The following ARHGAP32 variants were observed in gnomAD, a reference collection of about 807,000 sequenced individuals.
ARHGAP32 encodes Rho GTPase activating protein 32.
Under a neutral mutation model 186.5 loss-of-function variants are expected in ARHGAP32, and 51 were observed. That is an observed-to-expected ratio of 0.27 (90% confidence interval 0.22 to 0.35). The LOEUF (loss-of-function observed/expected upper bound fraction) is 0.35, where lower values mean the gene tolerates loss of function less well. Ranked by LOEUF, ARHGAP32 falls within the 10% of genes least tolerant of loss-of-function variation. ARHGAP32 has a pLI of 1.00. For missense variants in ARHGAP32, 2,186 were observed against 2,623.5 expected, an observed-to-expected ratio of 0.83 and a Z score of 3.64; for synonymous variants, 950 against 964.3, an observed-to-expected ratio of 0.99 and a Z score of 0.27.
At chr11:129,049,130 A>T (rs1939934395) in intron 10 of ARHGAP32, among the ~76,000 whole-genome samples, 1 of 152,186 alleles carries the variant, frequency 6.6e-6, no homozygotes, top group Admixed American at 6.5e-5. Context: ...TTCTAAAAGG[A>T]AAAGCATTCG....
chr11:129,063,891 T>C lies in ARHGAP32; in HGVS notation c.885+11A>G, dbSNP rs375146088. 6.3e-5 allele frequency: 100 copies of C among 1,597,126 alleles called. No homozygotes were observed. Among genetic ancestry groups the C allele is most frequent in the Non-Finnish European group, 6.9e-5 (81 of 1,174,210 alleles). ...AGAACCAAATAACAAACAACCACTT[T>C]AACTATTTACCTCTAAGGTCAGTTC... On this transcript the variant is annotated intron_variant, in intron 9 of 22. Transcript: ENST00000682385.
At chr11:129,182,955 A>T (rs1263544902) in intron 1 of ARHGAP32, among the ~76,000 whole-genome samples, 9 of 152,016 alleles carry the variant, frequency 5.9e-5, no homozygotes, top group South Asian at 2.1e-4. Context: ...GCCTTAAAAA[A>T]TTTTTTATGT....
intron 1 of ARHGAP32, among the ~76,000 whole-genome samples, chr11:129,268,816 G>A (rs962472943): frequency 9.2e-5 from 14 of 151,824 alleles, no homozygotes; most frequent in African/African-American, 2.7e-4. Context: ...GCTGGATCCT[G>A]TGACTTCTCA....
chr11:129,052,620 G>C (rs1940098560), intron 10 of ARHGAP32, among the ~76,000 whole-genome samples: 1 of 149,078 alleles, frequency 6.7e-6, no homozygotes, highest in South Asian at 2.1e-4. Flanking sequence ...TTTTTTTTCA[G>C]ATACAGTCCT....
intron 1 of ARHGAP32, among the ~76,000 whole-genome samples, chr11:129,233,515 C>T (rs1481790048): frequency 6.6e-6 from 1 of 151,988 alleles, no homozygotes; most frequent in African/African-American, 2.4e-5. Context: ...AAATGGCACA[C>T]ACCTTTCAAC....
At chr11:129,110,835 T>C (rs143037138) in intron 5 of ARHGAP32, among the ~76,000 whole-genome samples, 14 of 152,354 alleles carry the variant, frequency 9.2e-5, no homozygotes, top group African/African-American at 3.4e-4. Context: ...TTCTGTGAAG[T>C]CTTTAAGGTT....
intron 11 of ARHGAP32, among the ~76,000 whole-genome samples, chr11:129,020,797 T>C (rs1938560870): frequency 6.6e-6 from 1 of 152,066 alleles, no homozygotes; most frequent in Non-Finnish European, 1.5e-5. Flanking sequence ...TTTTTTTAGA[T>C]AAATTGAGTC....
chr11:129,033,218 A>C (rs1939186514), intron 11 of ARHGAP32, among the ~76,000 whole-genome samples: 1 of 152,222 alleles, frequency 6.6e-6, no homozygotes, highest in Admixed American at 6.5e-5. Context: ...AACAAATGGA[A>C]ATAAAGCTGT....
intron 2 of ARHGAP32, among the ~76,000 whole-genome samples, chr11:129,161,920 G>C (rs1051847939): frequency 6.6e-6 from 1 of 152,142 alleles, no homozygotes; most frequent in Admixed American, 6.5e-5. Flanking sequence ...TGATAGACTG[G>C]ATAAAGAAAA....
At chr11:129,147,707 A>G (rs1177050215) in intron 2 of ARHGAP32, among the ~76,000 whole-genome samples, 2 of 152,220 alleles carry the variant, frequency 1.3e-5, no homozygotes, top group South Asian at 2.1e-4. Context: ...TGGTTGCTCT[A>G]TAAGAGTATG....
intron 1 of ARHGAP32, among the ~76,000 whole-genome samples, chr11:129,221,690 C>T (rs1441898425): frequency 6.6e-6 from 1 of 151,662 alleles, no homozygotes; most frequent in African/African-American, 2.4e-5. Flanking sequence ...ACAGGCTTTC[C>T]GGAGGAGAGC....
intron 2 of ARHGAP32, among the ~76,000 whole-genome samples, chr11:129,136,891 C>A (rs548740376): frequency 7.9e-5 from 12 of 151,976 alleles, no homozygotes; most frequent in Admixed American, 2.0e-4. Flanking sequence ...CAAACTAACA[C>A]TGATTTTTTT....
At chr11:129,067,212 A>C (rs1378602077) in intron 6 of ARHGAP32, among the ~76,000 whole-genome samples, 1 of 152,098 alleles carries the variant, frequency 6.6e-6, no homozygotes, top group Non-Finnish European at 1.5e-5. Context: ...GGAGAATATT[A>C]ACTGAAATTA....
At chr11:129,192,336 T>C (rs917646886), upstream of ARHGAP32, 2 of 659,216 alleles carry the variant, frequency 3.0e-6, no homozygotes, top group Non-Finnish European at 5.4e-6. Flanking sequence ...GCTGGTTTAA[T>C]TACAGTCAGG....
At chr11:129,188,446 C>A (rs1037058315) in intron 1 of ARHGAP32, among the ~76,000 whole-genome samples, 2 of 152,078 alleles carry the variant, frequency 1.3e-5, no homozygotes, top group Non-Finnish European at 2.9e-5. Flanking sequence ...CTGATCTGAT[C>A]GCCTGGGCCT....
chr11:129,208,234 T>C (rs1026069939), intron 1 of ARHGAP32, among the ~76,000 whole-genome samples: 4 of 152,174 alleles, frequency 2.6e-5, no homozygotes, highest in Admixed American at 6.6e-5. Flanking sequence ...TGCAGGAACA[T>C]CCCATTCTAG....
intron 2 of ARHGAP32, among the ~76,000 whole-genome samples, chr11:129,133,933 G>C (rs1277314237): frequency 1.3e-5 from 2 of 152,144 alleles, no homozygotes; most frequent in African/African-American, 4.8e-5. Context: ...TTATAAAACT[G>C]TCTGATGAAA....
At chr11:129,211,193 TTAAC>T (rs1213575880) in intron 1 of ARHGAP32, among the ~76,000 whole-genome samples, 1 of 152,192 alleles carries the variant, frequency 6.6e-6, no homozygotes, top group African/African-American at 2.4e-5. Flanking sequence ...CTAACTGTTT[TTAAC>T]TAACTGTTTT....
At chr11:129,066,421 A>T (rs1940690612) in intron 7 of ARHGAP32, among the ~76,000 whole-genome samples, 1 of 152,018 alleles carries the variant, frequency 6.6e-6, no homozygotes, top group South Asian at 2.1e-4. Context: ...GATCCCTTTG[A>T]TCATGAAAGG....
Sources: allele counts gnomAD v4.1 joint callset (sites outside exome capture counted in the v4.1 genomes callset), GRCh38; gene constraint gnomAD v4.1.1; transcripts MANE v1.5; gene names NCBI Gene and HGNC (gene_info 2026-07-23, HGNC 2026-07-21).